ZBTB16: variants seen among roughly 807,000 people sequenced by gnomAD.
The protein encoded by ZBTB16 is zinc finger and BTB domain containing 16.
Under a neutral mutation model 56.8 loss-of-function variants are expected in ZBTB16, and 8 were observed. The observed-to-expected ratio is 0.14, with a 90% CI of 0.08 to 0.25. ZBTB16 has a LOEUF of 0.25. Ranked by LOEUF, ZBTB16 falls within the 10% of genes least tolerant of loss-of-function variation. ZBTB16 has a pLI of 1.00. For synonymous variants in ZBTB16, 363 were observed against 368.5 expected (o/e 0.98, Z 0.17); for missense variants, 625 against 903.0 (o/e 0.69, Z 3.95).
chr11:114,173,339 G>A (rs1943019937), intron 3 of ZBTB16, among the ~76,000 whole-genome samples: 1 of 152,182 alleles, frequency 6.6e-6, no homozygotes, highest in African/African-American at 2.4e-5. Context: ...TGCCACTGAG[G>A]GGCCCAGGGG....
Position 114,081,550 on chromosome 11 carries a change from C to T in ZBTB16, c.1268+16982C>T, listed in dbSNP as rs1415972376. ...CTGTCTGCTGGGCACCTGGGTAGGC[C>T]CTGGGAATACTGTGATGAGCAAGAT... is the stretch of plus-strand genomic sequence containing the variant. On this transcript the variant is annotated intron_variant, in intron 2 of 6. Transcript: ENST00000335953. Among the ~76,000 whole-genome samples the T allele has an allele frequency of 2.6e-5, 4 of 151,938 alleles. No homozygotes were observed. In the East Asian group the frequency reaches 7.7e-4, roughly 29 times the overall value.
chr11:114,235,625 C>T (rs1045532383), intron 4 of ZBTB16, among the ~76,000 whole-genome samples: 3 of 68,416 alleles, frequency 4.4e-5, no homozygotes, highest in Admixed American at 1.4e-4. Flanking sequence ...TTTCCCTCTC[C>T]CTTCCTTTCT....
rs1944922116 is a variant in ZBTB16, at chr11:114,251,758, G to A, written c.*1203G>A. On this transcript the variant is annotated 3_prime_UTR_variant, in exon 7 of 7. Transcript: ENST00000335953. The stretch of plus-strand genomic sequence containing the variant: ...TCCACAGTGGAGAGGAGGAGGAGGA[G>A]GAGCAGAAGGAGGGGGAGGAGCTGC... Among the ~76,000 whole-genome samples the A allele has an allele frequency of 6.6e-6, 1 of 152,178 alleles. No homozygotes were observed. Among genetic ancestry groups the A allele is most frequent in the Admixed American group, 6.5e-5 (1 of 15,286 alleles).
At chr11:114,147,831 A>G (rs897292786) in intron 2 of ZBTB16, among the ~76,000 whole-genome samples, 1 of 152,208 alleles carries the variant, frequency 6.6e-6, no homozygotes, top group African/African-American at 2.4e-5. Context: ...GAGCATAAAT[A>G]GAACATTTCA....
Position 114,125,424 on chromosome 11 carries a change from G to A in ZBTB16, c.1269-30913G>A, listed in dbSNP as rs142821612. Reference sequence around the variant, plus strand: ...GAGACAGGTGGTATTATCTTTTTGTGTGTTAGAGGTGAGAAAGCTGTGGCC... The same window carrying A: ...GAGACAGGTGGTATTATCTTTTTGTATGTTAGAGGTGAGAAAGCTGTGGCC... On this transcript the variant is annotated intron_variant, in intron 2 of 6. Coordinates refer to ENST00000335953, the MANE Select transcript of ZBTB16 (RefSeq NM_006006.6). Among the ~76,000 whole-genome samples the A allele has an allele frequency of 3.6e-3, 544 of 152,302 alleles. 3 individuals carry two copies. Among genetic ancestry groups the A allele is most frequent in the Non-Finnish European group, 5.7e-3 (388 of 68,026 alleles).
chr11:114,130,162 C>T (rs745791618), intron 2 of ZBTB16, among the ~76,000 whole-genome samples: 2 of 152,182 alleles, frequency 1.3e-5, no homozygotes, highest in Non-Finnish European at 2.9e-5. Context: ...GGCACACTCT[C>T]TTTCTGGGGG....
At chr11:114,194,705 A>G (rs1943568803) in intron 4 of ZBTB16, among the ~76,000 whole-genome samples, 1 of 152,208 alleles carries the variant, frequency 6.6e-6, no homozygotes. Context: ...TGTTCAGTAA[A>G]ATAAAAGTGA....
chr11:114,085,353 G>A (rs556849147), intron 2 of ZBTB16, among the ~76,000 whole-genome samples: 2 of 152,306 alleles, frequency 1.3e-5, no homozygotes, highest in South Asian at 4.1e-4. Flanking sequence ...TGAGGCCTTA[G>A]CCATAGGTAT....
At chr11:114,214,689 C>T (rs1371288048) in intron 4 of ZBTB16, among the ~76,000 whole-genome samples, 4 of 152,102 alleles carry the variant, frequency 2.6e-5, no homozygotes, top group East Asian at 1.9e-4. Flanking sequence ...CTGCAATCTC[C>T]GCCTCCCGGG....
chr11:114,149,593 T>C (rs1163524459), intron 2 of ZBTB16, among the ~76,000 whole-genome samples: 1 of 152,204 alleles, frequency 6.6e-6, no homozygotes, highest in African/African-American at 2.4e-5. Flanking sequence ...AGAGCTGTAT[T>C]AAAAAATAAA....
chr11:114,242,452 C>A, intron 5 of ZBTB16, 115 bp downstream of exon 5: 2 of 1,449,554 alleles, frequency 1.4e-6, no homozygotes, highest in Non-Finnish European at 1.9e-6. Flanking sequence ...TCCTTCTGCT[C>A]AAGGCTTGGA....
At chr11:114,086,530 A>G (rs1448561824) in intron 2 of ZBTB16, among the ~76,000 whole-genome samples, 1 of 152,104 alleles carries the variant, frequency 6.6e-6, no homozygotes, top group Non-Finnish European at 1.5e-5. Flanking sequence ...GAGGATAGTG[A>G]TTGTGGTTTA....
At chr11:114,103,532 G>A (rs1326314628) in intron 2 of ZBTB16, among the ~76,000 whole-genome samples, 3 of 151,928 alleles carry the variant, frequency 2.0e-5, no homozygotes, top group South Asian at 2.1e-4. Context: ...TGTAACAGCC[G>A]GTGGAATCTT....
chr11:114,129,492 C>G (rs1298097822), intron 2 of ZBTB16, among the ~76,000 whole-genome samples: 3 of 152,252 alleles, frequency 2.0e-5, no homozygotes, highest in Non-Finnish European at 4.4e-5. Flanking sequence ...TACGCAGGCT[C>G]CCAGCACGCG....
chr11:114,084,805 T>C (rs1287567031), intron 2 of ZBTB16, among the ~76,000 whole-genome samples: 1 of 152,246 alleles, frequency 6.6e-6, no homozygotes, highest in Non-Finnish European at 1.5e-5. Context: ...AATGTTTAGA[T>C]GAGCTGCTGT....
intron 4 of ZBTB16, among the ~76,000 whole-genome samples, chr11:114,196,253 G>A (rs752590097): frequency 3.3e-5 from 5 of 152,162 alleles, no homozygotes; most frequent in African/African-American, 7.2e-5. Flanking sequence ...TCAGTGACTG[G>A]TGCCCTCAAA....
At chr11:114,216,263 C>T (rs1274323188) in intron 4 of ZBTB16, among the ~76,000 whole-genome samples, 1 of 152,192 alleles carries the variant, frequency 6.6e-6, no homozygotes, top group Admixed American at 6.5e-5. Flanking sequence ...TGTCCCTGTT[C>T]TGGGTGCTGA....
At chr11:114,199,992 G>T (rs1241320759) in intron 4 of ZBTB16, among the ~76,000 whole-genome samples, 1 of 152,108 alleles carries the variant, frequency 6.6e-6, no homozygotes, top group Non-Finnish European at 1.5e-5. Context: ...GCCGGGCTTG[G>T]TGGCGGGCAC....
At chr11:114,139,616 C>A (rs1237068988) in intron 2 of ZBTB16, among the ~76,000 whole-genome samples, 3 of 137,930 alleles carry the variant, frequency 2.2e-5, no homozygotes, top group African/African-American at 9.3e-5. Context: ...GGGTATGTGC[C>A]CGCGGTCCAC....
Sources: gnomAD v4.1 joint callset for allele counts (sites outside exome capture counted in the v4.1 genomes callset) on GRCh38, gnomAD v4.1.1 for gene constraint, MANE v1.5 for transcripts, NCBI Gene and HGNC (gene_info 2026-07-23, HGNC 2026-07-21) for gene names.